Variants in DMRT1 observed in about 807,000 individuals in gnomAD.
DMRT1 encodes the protein doublesex and mab-3 related transcription factor 1.
DMRT1 carries 7 observed loss-of-function variants against 32.3 expected under a neutral mutation model. The observed-to-expected ratio is 0.22, with a 90% CI of 0.12 to 0.41. The LOEUF (loss-of-function observed/expected upper bound fraction) is 0.41, where lower values mean the gene tolerates loss of function less well. Ranked by LOEUF, DMRT1 falls within the 10% of genes least tolerant of loss-of-function variation. The pLI is 1.00. For missense variants in DMRT1, 625 were observed against 500.5 expected (o/e 1.25, Z -2.37); for synonymous variants, 278 against 206.1 (o/e 1.35, Z -2.99).
rs1554739423 is a variant in DMRT1, at chr9:842,230, G to GGTTTTTTTTTTTTTTTT, written c.354+38_354+39insGTTTTTTTTTTTTTTTT. 35 of 1,267,082 alleles carry GGTTTTTTTTTTTTTTTT rather than the reference G, an allele frequency of 2.8e-5. No individual in the cohort carries two copies. The African/African-American group carries it at 7.1e-4, about 26-fold the overall frequency. The allele number at this position is 1,267,082 out of a possible 1,614,324, so 78.5% of individuals were successfully genotyped here. A position where few individuals can be genotyped will look rare whatever the true frequency, so the allele number is the denominator to read the frequency against. ...GTGCGGGAGCCCGGGTTCAGCCTTA[G>GGTTTTTTTTTTTTTTTT]TTTTTTTTTTTTTTTTTTTTTTTAG... On this transcript the variant is annotated intron_variant, in intron 1 of 4. Transcript: ENST00000382276.
At chr9:916,050 C>T (rs547709112) in intron 3 of DMRT1, among the ~76,000 whole-genome samples, 57 of 152,152 alleles carry the variant, frequency 3.7e-4, no homozygotes, top group Non-Finnish European at 6.0e-4. Flanking sequence ...ATTTTAAATA[C>T]TCTCCTTATA....
At chr9:856,161 C>T (rs933366564) in intron 2 of DMRT1, among the ~76,000 whole-genome samples, 1 of 152,144 alleles carries the variant, frequency 6.6e-6, no homozygotes, top group African/African-American at 2.4e-5. Flanking sequence ...AAGTGATCCA[C>T]CCGCCTCGGC....
intron 2 of DMRT1, among the ~76,000 whole-genome samples, chr9:882,515 C>G (rs1487401276): frequency 6.6e-6 from 1 of 152,132 alleles, no homozygotes; most frequent in Non-Finnish European, 1.5e-5. Context: ...CTGTTAATCA[C>G]CTGAGCTCCT....
chr9:843,009 C>G (rs1392606824), intron 1 of DMRT1: 1 of 152,188 alleles, frequency 6.6e-6, no homozygotes, highest in African/African-American at 2.4e-5. Context: ...TCTCTAGCCC[C>G]GCTCTTCTAG....
intron 2 of DMRT1, among the ~76,000 whole-genome samples, chr9:847,451 A>G (rs893269120): frequency 2.0e-5 from 3 of 152,172 alleles, no homozygotes; most frequent in African/African-American, 7.2e-5. Flanking sequence ...TTTTCCAGTC[A>G]TCCTTGTGGG....
intron 4 of DMRT1, among the ~76,000 whole-genome samples, chr9:936,625 C>T (rs551199729): frequency 3.3e-5 from 5 of 151,938 alleles, no homozygotes; most frequent in South Asian, 2.1e-4. Context: ...TGGTGGCAGG[C>T]GCCAGCAATC....
At chr9:862,257 C>T (rs10977183) in intron 2 of DMRT1, among the ~76,000 whole-genome samples, 53,228 of 151,812 alleles carry the variant, frequency 0.35, 9,844 homozygotes, top group Non-Finnish European at 0.42. Flanking sequence ...CCCGGCACCT[C>T]GGGAGGCCGA....
intron 2 of DMRT1, among the ~76,000 whole-genome samples, chr9:851,027 T>C (rs1253081105): frequency 2.2e-4 from 3 of 13,436 alleles, no homozygotes; most frequent in Non-Finnish European, 4.2e-4. Context: ...AGACTCTATC[T>C]CAAAAAAAAA....
chr9:967,447 T>C (rs1819964664), intron 4 of DMRT1, among the ~76,000 whole-genome samples: 1 of 152,226 alleles, frequency 6.6e-6, no homozygotes, highest in African/African-American at 2.4e-5. Flanking sequence ...TTAAAAGTTA[T>C]GTATGCTGAC....
intron 3 of DMRT1, among the ~76,000 whole-genome samples, chr9:906,485 A>G (rs543768857): frequency 6.6e-6 from 1 of 152,336 alleles, no homozygotes. Context: ...ATAGGGCTAT[A>G]TCTCTTGATG....
At chr9:866,163 CAAAAA>C (rs71327351) in intron 2 of DMRT1, among the ~76,000 whole-genome samples, 2 of 52,664 alleles carry the variant, frequency 3.8e-5, no homozygotes, top group African/African-American at 1.7e-4. Context: ...GAGTCCATCT[CAAAAA>C]AAAAAAAAAA....
chr9:942,899 C>G (rs1278856489), intron 4 of DMRT1, among the ~76,000 whole-genome samples: 1 of 151,828 alleles, frequency 6.6e-6, no homozygotes, highest in African/African-American at 2.4e-5. Flanking sequence ...CCATCTGTCG[C>G]AAAGAATTAC....
chr9:846,931 G>C lies in DMRT1; in HGVS notation c.355-29G>C, dbSNP rs369701571. 5.0e-6 allele frequency: 8 copies of C among 1,613,766 alleles called. No homozygotes were observed. The African/African-American group carries it at 8.0e-5, about 16-fold the overall frequency. On this transcript the variant is annotated intron_variant, in intron 1 of 4. Coordinates refer to ENST00000382276, the MANE Select transcript of DMRT1 (RefSeq NM_021951.3). Reference sequence around the variant, plus strand: ...TGGCAAAGCTGATTCTGGAGTGCTGGAGGATGACTCATTGTCGTGTGCTTC... The same window carrying C: ...TGGCAAAGCTGATTCTGGAGTGCTGCAGGATGACTCATTGTCGTGTGCTTC...
chr9:935,522 T>C (rs1818857179), intron 4 of DMRT1, among the ~76,000 whole-genome samples: 1 of 152,226 alleles, frequency 6.6e-6, no homozygotes, highest in South Asian at 2.1e-4. Flanking sequence ...ACTTTTCTGA[T>C]GAGCGATAGA....
chr9:950,369 C>A (rs1819389505), intron 4 of DMRT1, among the ~76,000 whole-genome samples: 1 of 152,096 alleles, frequency 6.6e-6, no homozygotes, highest in Non-Finnish European at 1.5e-5. Flanking sequence ...CACCAGCAAG[C>A]TTGTTGTGAT....
chr9:857,168 G>T (rs148841188), intron 2 of DMRT1, among the ~76,000 whole-genome samples: 8,488 of 152,076 alleles, frequency 0.056, 727 homozygotes, highest in African/African-American at 0.19. Context: ...TTAGCCAGGC[G>T]TGGTGGCACA....
rs529696457 is a variant in DMRT1 at position 964,756 on chromosome 9, G to A, written c.968-3229G>A. Reference sequence around the variant, plus strand: ...AGGCTCAATTATTCTTCCTTTCTTCGGGGTTATTCCCCAGAGTGGAATTAC... The same window carrying A: ...AGGCTCAATTATTCTTCCTTTCTTCAGGGTTATTCCCCAGAGTGGAATTAC... On this transcript the variant is annotated intron_variant, in intron 4 of 4. Coordinates refer to ENST00000382276, the MANE Select transcript of DMRT1 (RefSeq NM_021951.3). Among the ~76,000 whole-genome samples, 29 of 151,978 alleles carry A rather than the reference G, an allele frequency of 1.9e-4. No individual in the cohort carries two copies. In the South Asian group the frequency reaches 4.8e-3, roughly 25 times the overall value.
chr9:921,355 A>G (rs1193048107), intron 4 of DMRT1, among the ~76,000 whole-genome samples: 1 of 152,202 alleles, frequency 6.6e-6, no homozygotes, highest in Non-Finnish European at 1.5e-5. Flanking sequence ...ATTCCATAGT[A>G]TGGATGGATA....
intron 4 of DMRT1, among the ~76,000 whole-genome samples, chr9:936,912 C>T (rs1371284317): frequency 1.3e-5 from 2 of 152,140 alleles, no homozygotes; most frequent in South Asian, 2.1e-4. Context: ...CATTCACAAT[C>T]TTGTATAACC....
Sources: allele counts gnomAD v4.1 joint callset (sites outside exome capture counted in the v4.1 genomes callset), GRCh38; gene constraint gnomAD v4.1.1; transcripts MANE v1.5; gene names NCBI Gene and HGNC (gene_info 2026-07-23, HGNC 2026-07-21).